GPC5: variants seen among roughly 807,000 people sequenced by gnomAD.
GPC5 encodes the protein glypican-5.
In GPC5, 47 loss-of-function variants were observed where a neutral mutation model predicts 53.9. The observed-to-expected ratio is 0.87, with a 90% CI of 0.69 to 1.11. The LOEUF (loss-of-function observed/expected upper bound fraction) is 1.11. Ranked by LOEUF, GPC5 falls within the 50% of genes most tolerant of loss-of-function variation. GPC5 has a pLI of 0.00. For synonymous variants in GPC5, 286 were observed against 263.3 expected (o/e 1.09, Z -0.84); for missense variants, 748 against 713.1 (o/e 1.05, Z -0.56).
chr13:92,456,490 G>A (rs74564696), intron 7 of GPC5, among the ~76,000 whole-genome samples: 13,849 of 152,088 alleles, frequency 0.091, 835 homozygotes, highest in Non-Finnish European at 0.12. Context: ...AATATCTCTA[G>A]CTTTCAACAC....
chr13:92,652,868 AC>A (rs1448478198), intron 7 of GPC5, among the ~76,000 whole-genome samples: 2 of 151,922 alleles, frequency 1.3e-5, no homozygotes, highest in African/African-American at 2.4e-5. Context: ...TGCCCTCACA[AC>A]CCTTCAAATC....
At chr13:91,712,354 TTA>T (rs759092377) in intron 3 of GPC5, among the ~76,000 whole-genome samples, 57 of 151,676 alleles carry the variant, frequency 3.8e-4, no homozygotes, top group Admixed American at 1.1e-3. Context: ...GTGTGTGTAT[TTA>T]TATATGTGTG....
At chr13:92,256,557 T>C (rs2042727645) in intron 7 of GPC5, among the ~76,000 whole-genome samples, 1 of 152,112 alleles carries the variant, frequency 6.6e-6, no homozygotes, top group South Asian at 2.1e-4. Flanking sequence ...TTCTTTTTTA[T>C]TTATAATTTT....
chr13:91,564,029 A>T (rs1421232678), intron 2 of GPC5, among the ~76,000 whole-genome samples: 1 of 152,090 alleles, frequency 6.6e-6, no homozygotes, highest in Non-Finnish European at 1.5e-5. Context: ...GGGCTTCAAC[A>T]AAGCTGTCTT....
chr13:91,904,814 T>G (rs2039536296), intron 5 of GPC5, among the ~76,000 whole-genome samples: 1 of 151,992 alleles, frequency 6.6e-6, no homozygotes, highest in Admixed American at 6.6e-5. Flanking sequence ...AAACGAAGGT[T>G]GAGTGGAAGC....
chr13:92,118,164 A>G (rs2041615862), intron 6 of GPC5, among the ~76,000 whole-genome samples: 1 of 152,108 alleles, frequency 6.6e-6, no homozygotes, highest in Non-Finnish European at 1.5e-5. Context: ...GAGTTTTTAT[A>G]AAGAATAGAT....
intron 2 of GPC5, among the ~76,000 whole-genome samples, chr13:91,572,269 A>G (rs925551718): frequency 6.7e-6 from 1 of 149,702 alleles, no homozygotes; most frequent in South Asian, 2.1e-4. Context: ...ATGTATATAC[A>G]TGTGTATATA....
At chr13:92,461,668 A>G (rs537041987) in intron 7 of GPC5, among the ~76,000 whole-genome samples, 3 of 152,276 alleles carry the variant, frequency 2.0e-5, no homozygotes, top group Admixed American at 6.5e-5. Flanking sequence ...TGCCTTTGTA[A>G]GAAGAGACAC....
At chr13:92,182,023 T>A (rs951512744) in intron 7 of GPC5, among the ~76,000 whole-genome samples, 11 of 152,206 alleles carry the variant, frequency 7.2e-5, no homozygotes, top group Non-Finnish European at 1.6e-4. Flanking sequence ...GAGAGCTGGG[T>A]TGGGAAACTA....
intron 1 of GPC5, among the ~76,000 whole-genome samples, chr13:91,410,464 G>T (rs1877650601): frequency 6.8e-6 from 1 of 147,940 alleles, no homozygotes; most frequent in African/African-American, 2.5e-5. Context: ...TCCTGCCTCA[G>T]CCTCCTGAGT....
At chr13:91,825,979 C>T (rs2038570220) in intron 5 of GPC5, among the ~76,000 whole-genome samples, 1 of 152,046 alleles carries the variant, frequency 6.6e-6, no homozygotes, top group South Asian at 2.1e-4. Flanking sequence ...AGTAGTAAGT[C>T]TAGCTGCTGT....
intron 2 of GPC5, among the ~76,000 whole-genome samples, chr13:91,586,505 T>C (rs1292053856): frequency 6.5e-4 from 1 of 1,550 alleles, no homozygotes; most frequent in Non-Finnish European, 1.1e-3. Context: ...GCAGGATATA[T>C]ATATATATAT....
At position 92,388,523 on chromosome 13, in the gene GPC5, CA is replaced by C. The variant is rs368050780; in HGVS notation, c.1561+243537del. ...AAAGTTCCCTGGTATTTGCTCCAGC[CA>C]AAGACTACCAGGAATATACCCGCAA... On this transcript the variant is annotated intron_variant, in intron 7 of 7. Transcript: ENST00000377067. Among the ~76,000 whole-genome samples, 32 of 152,112 alleles carry C rather than the reference CA, an allele frequency of 2.1e-4. 1 individual carries two copies. The South Asian group carries it at 6.6e-3, about 32-fold the overall frequency.
chr13:92,104,932 G>A lies in GPC5; in HGVS notation c.1402-39898G>A, dbSNP rs2041496771. Among the ~76,000 whole-genome samples, 2 of 152,060 alleles carry A rather than the reference G, an allele frequency of 1.3e-5. 1 individual carries two copies. Among genetic ancestry groups the A allele is most frequent in the African/African-American group, 4.8e-5 (2 of 41,408 alleles). On this transcript the variant is annotated intron_variant, in intron 6 of 7. Coordinates refer to ENST00000377067, the MANE Select transcript of GPC5 (RefSeq NM_004466.6). ...ACAACCCCATCATCTTCTAAAACATGGACATGTTGAGAAATAGTGTTTTTG... is the reference window on the plus strand; with the variant it reads ...ACAACCCCATCATCTTCTAAAACATAGACATGTTGAGAAATAGTGTTTTTG...
intron 7 of GPC5, among the ~76,000 whole-genome samples, chr13:92,864,617 A>T (rs184486392): frequency 6.6e-6 from 1 of 152,130 alleles, no homozygotes; most frequent in Admixed American, 6.6e-5. Flanking sequence ...GTTAAGCTTA[A>T]CAAGAGGTAT....
chr13:91,995,305 C>T (rs925214363), intron 6 of GPC5: 2 of 152,098 alleles, frequency 1.3e-5, no homozygotes, highest in African/African-American at 2.4e-5. Context: ...ACTTGACTGA[C>T]TTTGCAATTT....
intron 2 of GPC5, among the ~76,000 whole-genome samples, chr13:91,527,447 C>A (rs1886139827): frequency 6.6e-6 from 1 of 152,252 alleles, no homozygotes; most frequent in Non-Finnish European, 1.5e-5. Context: ...GCTCCCAAGG[C>A]CTTGGGCAGC....
intron 7 of GPC5, among the ~76,000 whole-genome samples, chr13:92,508,201 A>G (rs951485198): frequency 2.0e-5 from 3 of 152,144 alleles, no homozygotes; most frequent in Non-Finnish European, 2.9e-5. Flanking sequence ...TGACTTCGTG[A>G]TCTTCCCGCC....
At chr13:92,698,168 CTTTTTTTT>C (rs926993373) in intron 7 of GPC5, among the ~76,000 whole-genome samples, 1 of 150,314 alleles carries the variant, frequency 6.7e-6, no homozygotes, top group Non-Finnish European at 1.5e-5. Flanking sequence ...TTCTTTTTTT[CTTTTTTTT>C]TAATTATACT....
Sources: gnomAD v4.1 joint callset for allele counts (sites outside exome capture counted in the v4.1 genomes callset) on GRCh38, gnomAD v4.1.1 for gene constraint, MANE v1.5 for transcripts, NCBI Gene and HGNC (gene_info 2026-07-23, HGNC 2026-07-21) for gene names.